CEP120: variants seen among roughly 807,000 people sequenced by gnomAD.
CEP120 encodes the protein centrosomal protein 120, also known as centrosomal protein of 120 kDa.
In CEP120, 113 loss-of-function variants were observed where a neutral mutation model predicts 126.5. The observed-to-expected ratio is 0.89, with a 90% confidence interval of 0.77 to 1.04. CEP120 has a LOEUF of 1.04. CEP120 is among the 50% of genes least tolerant of loss of function. The pLI is 0.00. For missense variants in CEP120, 1,230 were observed against 1,155.7 expected (o/e 1.06, Z -0.93); for synonymous variants, 400 against 394.3 (o/e 1.01, Z -0.17).
At chr5:123,401,696 C>A (rs1773252610) in intron 4 of CEP120, 7 of 1,395,354 alleles carry the variant, frequency 5.0e-6, no homozygotes, top group South Asian at 1.2e-5. Flanking sequence ...ATCAGTCAGC[C>A]CTTCCAGGCG....
chr5:123,351,284 A>T (rs1225396211), intron 18 of CEP120, among the ~76,000 whole-genome samples: 1 of 152,166 alleles, frequency 6.6e-6, no homozygotes, highest in South Asian at 2.1e-4. Flanking sequence ...GAATCTATAC[A>T]GTATGTATTT....
intron 5 of CEP120, among the ~76,000 whole-genome samples, chr5:123,394,407 C>T (rs1042615824): frequency 1.2e-4 from 19 of 152,140 alleles, no homozygotes; most frequent in Admixed American, 9.2e-4. Context: ...AACCTAGATC[C>T]CTTACATGTG....
intron 19 of CEP120, among the ~76,000 whole-genome samples, chr5:123,347,405 T>A (rs1416505103): frequency 5.9e-5 from 9 of 152,158 alleles, no homozygotes; most frequent in Non-Finnish European, 1.5e-5. Context: ...AAGAAAAAAA[T>A]TCCCTACTAT....
Position 123,386,676 on chromosome 5 carries a change from TAAAAAAAAAA to T in CEP120, c.1431-19_1431-10del. 10 of 611,074 alleles carry T rather than the reference TAAAAAAAAAA, an allele frequency of 1.6e-5. No individual in the cohort carries two copies. Among genetic ancestry groups the T allele is most frequent in the Admixed American group, 1.3e-4 (2 of 15,672 alleles). 37.9% of individuals were successfully genotyped at this position (611,074 alleles called of 1,614,324 possible). On this transcript the variant is annotated splice_polypyrimidine_tract_variant and intron_variant, in intron 9 of 19. Transcript: ENST00000306467. ...AGAATGGATATGAGTACCTAGAATT[TAAAAAAAAAA>T]AAAAAAAAAAAAGCCTTAATGATAT...
chr5:123,381,637 G>C (rs1771654953), intron 14 of CEP120, among the ~76,000 whole-genome samples: 1 of 151,984 alleles, frequency 6.6e-6, no homozygotes, highest in African/African-American at 2.4e-5. Context: ...TTAAACGTTT[G>C]AGGCATTCTA....
At chr5:123,366,785 A>T (rs1770492324) in intron 17 of CEP120, among the ~76,000 whole-genome samples, 1 of 151,874 alleles carries the variant, frequency 6.6e-6, no homozygotes, top group South Asian at 2.1e-4. Flanking sequence ...GCTACTATTT[A>T]TCTACAGCAT....
At chr5:123,384,876 A>G in intron 11 of CEP120, 75 bp downstream of exon 11, 2 of 1,261,566 alleles carry the variant, frequency 1.6e-6, no homozygotes, top group East Asian at 2.4e-5. Flanking sequence ...GGAAGGGTGA[A>G]GTGGTGGCTG....
chr5:123,402,817 G>C (rs944859701), intron 4 of CEP120, among the ~76,000 whole-genome samples: 1 of 152,214 alleles, frequency 6.6e-6, no homozygotes, highest in South Asian at 2.1e-4. Flanking sequence ...CAATGTGATG[G>C]TATTAGGAGA....
Position 123,399,155 on chromosome 5 carries a change from A to G in CEP120, c.593T>C (p.Phe198Ser). ...DSFIMSVTIA[F>S]ATQLEQLIPC... ...TCTCACCTGTTCCAACTGGGTAGCA[A>G]ATGCTATGGTCACTGACATAATAAA... The change falls in exon 5 of 20, where the codon TTT (phenylalanine) becomes TCT (serine). Residue 198 changes from phenylalanine to serine, a missense_variant. Phe to Ser is a radical substitution (Grantham distance 155, BLOSUM62 -2). Coordinates refer to ENST00000306467, the MANE Select transcript of CEP120 (RefSeq NM_001375405.1). The G allele has an allele frequency of 6.2e-7, 1 of 1,609,862 alleles. No individual in the cohort carries two copies. Among genetic ancestry groups the G allele is most frequent in the East Asian group, 2.2e-5 (1 of 44,834 alleles).
At chr5:123,419,758 T>C (rs1235064796) in intron 1 of CEP120, among the ~76,000 whole-genome samples, 1 of 152,138 alleles carries the variant, frequency 6.6e-6, no homozygotes, top group African/African-American at 2.4e-5. Context: ...TTTTATCAGA[T>C]GGTGGGGTAC....
At chr5:123,396,318 G>T (rs1341468562) in intron 5 of CEP120, among the ~76,000 whole-genome samples, 3 of 152,042 alleles carry the variant, frequency 2.0e-5, no homozygotes, top group Admixed American at 6.5e-5. Flanking sequence ...TGTATACCTA[G>T]GAGTAGTATT....
In CEP120 at chr5:123,354,320, A is replaced by G. The variant is rs368796754; in HGVS notation, c.2581-4231T>C. On this transcript the variant is annotated intron_variant, in intron 18 of 19. Coordinates refer to ENST00000306467, the MANE Select transcript of CEP120 (RefSeq NM_001375405.1). ...GTTGAGAATTGTAGTTTAATCCAACATATAAGCAACTTCGCTAAATGTTCC... is the reference window on the plus strand; with the variant it reads ...GTTGAGAATTGTAGTTTAATCCAACGTATAAGCAACTTCGCTAAATGTTCC... Among the ~76,000 whole-genome samples, 20 of 152,256 alleles carry G rather than the reference A, an allele frequency of 1.3e-4. 2 individuals carry two copies. In the East Asian group the frequency reaches 3.9e-3, roughly 29 times the overall value.
intron 11 of CEP120, among the ~76,000 whole-genome samples, chr5:123,383,435 A>G (rs1318760689): frequency 2.0e-5 from 3 of 152,138 alleles, no homozygotes; most frequent in Non-Finnish European, 2.9e-5. Context: ...ACATGCACAC[A>G]TGCATGCTGA....
chr5:123,354,178 G>A (rs942616447), intron 18 of CEP120, among the ~76,000 whole-genome samples: 14 of 152,036 alleles, frequency 9.2e-5, no homozygotes, highest in Admixed American at 4.6e-4. Context: ...CATGGGTTAC[G>A]AGAAGTATAC....
intron 16 of CEP120, among the ~76,000 whole-genome samples, chr5:123,376,711 A>G (rs1239311951): frequency 6.6e-6 from 1 of 152,098 alleles, no homozygotes; most frequent in African/African-American, 2.4e-5. Flanking sequence ...CAAAAAGCCA[A>G]TCAGATATAT....
chr5:123,362,736 A>G (rs139368549), intron 18 of CEP120, among the ~76,000 whole-genome samples: 1 of 151,738 alleles, frequency 6.6e-6, no homozygotes, highest in Non-Finnish European at 1.5e-5. Flanking sequence ...TTTCCTAAAC[A>G]TAAGAATTCC....
chr5:123,386,722 T>C (rs1272440720), intron 9 of CEP120, 55 bp from the exon 10 acceptor site: 33 of 1,259,196 alleles, frequency 2.6e-5, no homozygotes, highest in Middle Eastern at 2.6e-4. Flanking sequence ...GGTTTACAGA[T>C]GACATTCAGT....
chr5:123,409,154 C>A (rs1319026915), intron 4 of CEP120, among the ~76,000 whole-genome samples: 1 of 152,106 alleles, frequency 6.6e-6, no homozygotes, highest in Non-Finnish European at 1.5e-5. Flanking sequence ...TCCATCACAT[C>A]AACAGCCTAA....
chr5:123,401,241 G>A (rs1487534385), intron 4 of CEP120: 27 of 1,612,064 alleles, frequency 1.7e-5, no homozygotes, highest in South Asian at 7.7e-5. Flanking sequence ...CAGCTGCCAC[G>A]CCATGTCCTG....
Sources: allele counts gnomAD v4.1 joint callset (sites outside exome capture counted in the v4.1 genomes callset), GRCh38; gene constraint gnomAD v4.1.1; transcripts MANE v1.5; gene names NCBI Gene and HGNC (gene_info 2026-07-23, HGNC 2026-07-21).